SEMA3C: variants seen among roughly 807,000 people sequenced by gnomAD.
SEMA3C encodes semaphorin-3C.
SEMA3C carries 47 observed loss-of-function variants against 89.4 expected under a neutral mutation model. That is an observed-to-expected ratio of 0.53 (90% CI 0.42 to 0.67). SEMA3C has a LOEUF of 0.67. Among genes scored for constraint, SEMA3C ranks in the 30% least tolerant of loss-of-function variants. The pLI, the probability that SEMA3C is intolerant of heterozygous loss-of-function variation, is 0.00. For missense variants in SEMA3C, 839 were observed against 929.1 expected, an observed-to-expected ratio of 0.90 and a Z score of 1.26; for synonymous variants, 310 against 320.2, an observed-to-expected ratio of 0.97 and a Z score of 0.34.
chr7:80,801,800 C>T (rs1472713093), intron 9 of SEMA3C, among the ~76,000 whole-genome samples: 2 of 151,834 alleles, frequency 1.3e-5, no homozygotes, highest in Non-Finnish European at 2.9e-5. Flanking sequence ...GAGCAAGTAG[C>T]CTGTTTCACA....
intron 1 of SEMA3C, 137 bp downstream of exon 1, chr7:80,918,691 G>T (rs1792336708): frequency 4.6e-6 from 2 of 437,218 alleles, no homozygotes; most frequent in South Asian, 9.7e-5. Flanking sequence ...CAAGGGGAAA[G>T]CTTCCCTGAC....
At chr7:80,811,186 A>T (rs558326406) in intron 5 of SEMA3C, among the ~76,000 whole-genome samples, 96 of 152,284 alleles carry the variant, frequency 6.3e-4, no homozygotes, top group African/African-American at 2.1e-3. Flanking sequence ...CATAATTCAT[A>T]TTTAAAATGT....
intron 2 of SEMA3C, among the ~76,000 whole-genome samples, chr7:80,879,114 A>G (rs114914581): frequency 0.012 from 1,867 of 152,240 alleles, 31 homozygotes; most frequent in African/African-American, 0.039. Context: ...GAGAGGATGT[A>G]CAAATACCAG....
chr7:80,816,906 G>A (rs1789621050), intron 5 of SEMA3C, among the ~76,000 whole-genome samples: 1 of 152,198 alleles, frequency 6.6e-6, no homozygotes, highest in African/African-American at 2.4e-5. Context: ...ATTCGTACAT[G>A]GGAAAATAAT....
At chr7:80,888,744 T>A (rs1356004901) in intron 2 of SEMA3C, among the ~76,000 whole-genome samples, 2 of 152,136 alleles carry the variant, frequency 1.3e-5, no homozygotes, top group Admixed American at 1.3e-4. Flanking sequence ...TTATAGACAT[T>A]TAAAATATTA....
chr7:80,810,528 A>G (rs949928205), intron 6 of SEMA3C, 83 bp downstream of exon 6: 4 of 1,021,182 alleles, frequency 3.9e-6, no homozygotes, highest in Non-Finnish European at 6.0e-6. Flanking sequence ...CATCCACACA[A>G]CCATCAAGAA....
chr7:80,839,218 G>T (rs964244403), intron 2 of SEMA3C, among the ~76,000 whole-genome samples: 1 of 152,158 alleles, frequency 6.6e-6, no homozygotes, highest in African/African-American at 2.4e-5. Flanking sequence ...CAGTATCAAT[G>T]ATATTCATAC....
intron 15 of SEMA3C, among the ~76,000 whole-genome samples, chr7:80,755,482 G>T (rs78103429): frequency 0.14 from 20,746 of 150,570 alleles, 1,444 homozygotes; most frequent in Admixed American, 0.17. Flanking sequence ...TTGCTGAGAA[G>T]GAGTACTGAT....
At chr7:80,759,091 TG>T (rs1788129220) in intron 14 of SEMA3C, among the ~76,000 whole-genome samples, 1 of 152,192 alleles carries the variant, frequency 6.6e-6, no homozygotes, top group African/African-American at 2.4e-5. Context: ...CTTGATCCAC[TG>T]ATCTTCATCA....
At chr7:80,844,043 C>A (rs183005317) in intron 2 of SEMA3C, among the ~76,000 whole-genome samples, 2 of 152,140 alleles carry the variant, frequency 1.3e-5, no homozygotes, top group Non-Finnish European at 2.9e-5. Flanking sequence ...AAGAATACTG[C>A]AGATGAATCA....
intron 3 of SEMA3C, 62 bp from the exon 4 acceptor site, chr7:80,827,549 C>A: frequency 1.5e-6 from 2 of 1,316,226 alleles, no homozygotes; most frequent in South Asian, 1.6e-5. Flanking sequence ...GCCCAGTGCT[C>A]TTCATTTACT....
chr7:80,749,055 G>A (rs930351888), intron 16 of SEMA3C, 27 bp from the exon 17 acceptor site: 2 of 1,574,072 alleles, frequency 1.3e-6, no homozygotes, highest in South Asian at 1.2e-5. Flanking sequence ...AAAGGCGAGA[G>A]AGAAAGAAAG....
intron 2 of SEMA3C, among the ~76,000 whole-genome samples, chr7:80,865,320 T>C (rs914704921): frequency 6.6e-6 from 1 of 152,176 alleles, no homozygotes; most frequent in East Asian, 1.9e-4. Context: ...TTAGACTTAA[T>C]AACACTTAGC....
chr7:80,767,111 CT>C (rs1316884821), intron 12 of SEMA3C, among the ~76,000 whole-genome samples: 2 of 152,156 alleles, frequency 1.3e-5, no homozygotes, highest in Non-Finnish European at 2.9e-5. Flanking sequence ...TGCTCTAAAG[CT>C]TTTTAATAAG....
At position 80,742,878 on chromosome 7, in the gene SEMA3C, T is replaced by C. The variant is rs1787713431; in HGVS notation, c.*2016A>G. On this transcript the variant is annotated 3_prime_UTR_variant, in exon 18 of 18. Coordinates refer to ENST00000265361, the MANE Select transcript of SEMA3C (RefSeq NM_006379.5). Reference sequence around the variant, plus strand: ...CAGAGTTATGTTCATGAAGAATTTCTACATTTTTAAAAGTAATGAAAGTGT... The same window carrying C: ...CAGAGTTATGTTCATGAAGAATTTCCACATTTTTAAAAGTAATGAAAGTGT... 2 of 151,990 alleles carry C rather than the reference T, an allele frequency of 1.3e-5. No homozygotes were observed. Among genetic ancestry groups the C allele is most frequent in the African/African-American group, 4.8e-5 (2 of 41,448 alleles). 9.4% of individuals were successfully genotyped at this position (151,990 alleles called of 1,614,324 possible).
chr7:80,872,603 A>G (rs552521908), intron 2 of SEMA3C, among the ~76,000 whole-genome samples: 1 of 152,004 alleles, frequency 6.6e-6, no homozygotes, highest in African/African-American at 2.4e-5. Context: ...AGAGATCCAG[A>G]CCATCCTGGT....
In SEMA3C at chr7:80,804,237, C is replaced by T. The variant is rs775840914; in HGVS notation, c.670G>A (p.Val224Ile). 27 of 1,597,586 alleles carry T rather than the reference C, an allele frequency of 1.7e-5. No individual in the cohort carries two copies. In the Middle Eastern group the frequency reaches 1.0e-3, roughly 59 times the overall value. The part of the protein sequence containing the change: ...NSKWLSEPMF[V>I]DAHVIPDGTD... The stretch of plus-strand genomic sequence containing the variant: ...CCATCTGGGATGACATGTGCATCTA[C>T]AAACATAGGTTCTAGAAAAAAAGGT... The change falls in exon 8 of 18, where the codon GTA (valine) becomes ATA (isoleucine). Residue 224 changes from valine to isoleucine, a missense_variant. Physicochemically the swap from Val to Ile is conservative, Grantham distance 29. Coordinates refer to ENST00000265361, the MANE Select transcript of SEMA3C (RefSeq NM_006379.5).
chr7:80,815,057 A>C (rs2115740866), intron 5 of SEMA3C, among the ~76,000 whole-genome samples: 1 of 152,344 alleles, frequency 6.6e-6, no homozygotes, highest in Admixed American at 6.5e-5. Context: ...TAGCCTTTAA[A>C]GCTTTTAAGG....
intron 2 of SEMA3C, among the ~76,000 whole-genome samples, chr7:80,910,718 A>G (rs1338262138): frequency 6.7e-6 from 1 of 148,280 alleles, no homozygotes; most frequent in Admixed American, 6.8e-5. Flanking sequence ...TATTATAGCA[A>G]AGTGATAGTT....
Sources: gnomAD v4.1 joint callset for allele counts (sites outside exome capture counted in the v4.1 genomes callset) on GRCh38, gnomAD v4.1.1 for gene constraint, MANE v1.5 for transcripts, NCBI Gene and HGNC (gene_info 2026-07-23, HGNC 2026-07-21) for gene names.